The following UTP6 variants were observed in gnomAD, a reference collection of about 807,000 sequenced individuals.
The protein encoded by UTP6 is UTP6 small subunit processome component.
UTP6 carries 60 observed loss-of-function variants against 96.5 expected under a neutral mutation model. The observed-to-expected ratio is 0.62, with a 90% CI of 0.51 to 0.77. The LOEUF (loss-of-function observed/expected upper bound fraction) is 0.77. Among genes scored for constraint, UTP6 ranks in the 30% least tolerant of loss-of-function variants. The pLI, the probability that UTP6 is intolerant of heterozygous loss-of-function variation, is 0.00. For missense variants in UTP6, 637 were observed against 706.5 expected (o/e 0.90, Z 1.12); for synonymous variants, 215 against 240.1 (o/e 0.90, Z 0.96).
Position 31,882,861 on chromosome 17 carries a change from C to T in UTP6, c.785+1563G>A, listed in dbSNP as rs151251735. On this transcript the variant is annotated intron_variant, in intron 10 of 18. Coordinates refer to ENST00000261708, the MANE Select transcript of UTP6 (RefSeq NM_018428.3). ...GGTGCAGTGATGCAATAACAGCTCA[C>T]GGCAGCCTCAACCTCACAGGCTCAA... Among the ~76,000 whole-genome samples the T allele has an allele frequency of 1.5e-3, 231 of 152,156 alleles. 1 individual carries two copies. The highest frequency in any genetic ancestry group is 5.4e-3 in the African/African-American group (224 of 41,524).
intron 18 of UTP6, among the ~76,000 whole-genome samples, chr17:31,864,606 C>G (rs996278825): frequency 2.0e-5 from 3 of 152,124 alleles, no homozygotes; most frequent in African/African-American, 7.2e-5. Flanking sequence ...AAATCTTTCT[C>G]TAATCCAGAG....
In UTP6 at chr17:31,901,612, G is replaced by T; in HGVS notation, c.16C>A (p.Gln6Lys). The change falls in exon 1 of 19, where the codon CAG becomes AAG. Residue 6 changes from glutamine to lysine, a missense_variant. Coordinates refer to ENST00000261708, the MANE Select transcript of UTP6 (RefSeq NM_018428.3). ...GGGAGCCGATCTTCTATGCGTTCCTGAATTATCTCTGCCATGAGGTCCGAG... is the reference window on the plus strand; with the variant it reads ...GGGAGCCGATCTTCTATGCGTTCCTTAATTATCTCTGCCATGAGGTCCGAG... MAEII[Q>K]ERIEDRLPEL... The T allele has an allele frequency of 6.2e-7, 1 of 1,613,832 alleles. No homozygotes were observed. The highest frequency in any genetic ancestry group is 8.5e-7 in the Non-Finnish European group (1 of 1,180,010).
intron 6 of UTP6, among the ~76,000 whole-genome samples, chr17:31,891,454 G>A (rs1911486949): frequency 6.6e-6 from 1 of 152,164 alleles, no homozygotes; most frequent in African/African-American, 2.4e-5. Context: ...GCCAAATGTA[G>A]TCTATTTGAG....
intron 16 of UTP6, among the ~76,000 whole-genome samples, chr17:31,869,734 G>A (rs1375979494): frequency 2.0e-5 from 3 of 152,110 alleles, no homozygotes; most frequent in South Asian, 2.1e-4. Context: ...TGTATATTGC[G>A]TGACACTGAG....
intron 3 of UTP6, 97 bp downstream of exon 3, chr17:31,894,873 T>TG: frequency 7.6e-7 from 1 of 1,324,356 alleles, no homozygotes; most frequent in Non-Finnish European, 1.1e-6. Context: ...ATCACCACAG[T>TG]TTTATCAACA....
At chr17:31,874,296 C>T (rs368352679) in intron 14 of UTP6, 1 of 149,390 alleles carries the variant, frequency 6.7e-6, no homozygotes, top group Non-Finnish European at 1.5e-5. Flanking sequence ...TTTGCAATCC[C>T]AGCACTTTAA....
chr17:31,875,554 G>GCCACCACACC, intron 13 of UTP6, 141 bp from the exon 14 acceptor site: 1 of 986,238 alleles, frequency 1.0e-6, no homozygotes. Flanking sequence ...GCCAGGTGTG[G>GCCACCACACC]TGGCTCACAC....
intron 18 of UTP6, 89 bp from the exon 19 acceptor site, chr17:31,863,605 AAACTT>A (rs1909649651): frequency 8.2e-7 from 1 of 1,213,482 alleles, no homozygotes; most frequent in African/African-American, 1.5e-5. Context: ...GATTTCTAAG[AAACTT>A]AACTTCTCAT....
chr17:31,871,960 G>A (rs1006776285), intron 16 of UTP6, among the ~76,000 whole-genome samples: 2 of 151,838 alleles, frequency 1.3e-5, no homozygotes, highest in Admixed American at 6.6e-5. Context: ...TAGGGAGGCC[G>A]AGGCGGGCAG....
chr17:31,870,988 T>G (rs951705492), intron 16 of UTP6, among the ~76,000 whole-genome samples: 505 of 8,592 alleles, frequency 0.059, 6 homozygotes, highest in African/African-American at 0.1. Context: ...ACTTTTTAAG[T>G]TTTTTTTTTT....
intron 16 of UTP6, among the ~76,000 whole-genome samples, chr17:31,868,968 G>C (rs1489734164): frequency 6.6e-6 from 1 of 152,068 alleles, no homozygotes; most frequent in Non-Finnish European, 1.5e-5. Flanking sequence ...AAAATTGGCT[G>C]GGTGTGGTGG....
intron 6 of UTP6, 164 bp downstream of exon 6, chr17:31,892,095 AG>A: frequency 1.6e-6 from 1 of 644,618 alleles, no homozygotes. Flanking sequence ...TATAGTAGGC[AG>A]GGGTGAACTA....
At chr17:31,872,618 G>A (rs546317470) in intron 16 of UTP6, among the ~76,000 whole-genome samples, 54 of 151,920 alleles carry the variant, frequency 3.6e-4, no homozygotes, top group African/African-American at 1.3e-3. Flanking sequence ...CAAGGCTTCG[G>A]TGAACCATGA....
chr17:31,889,395 T>G lies in UTP6; in HGVS notation c.433A>C (p.Ile145Leu). ...AIHSNKPALW[I>L]MAAKWEMEDR... is the part of the protein sequence containing the mutation. Reference sequence around the variant, plus strand: ...TCCATTTCCCATTTGGCTGCCATAATCCACAAAGCTGTAAGTGAAAAACCA... The same window carrying G: ...TCCATTTCCCATTTGGCTGCCATAAGCCACAAAGCTGTAAGTGAAAAACCA... Residue 145 changes from isoleucine to leucine, a missense_variant, in exon 7 of 19, where the codon ATT becomes CTT. Physicochemically the swap from Ile to Leu is conservative, Grantham distance 5. Transcript: ENST00000261708. The G allele has an allele frequency of 6.2e-7, 1 of 1,612,068 alleles. No individual in the cohort carries two copies. Among genetic ancestry groups the G allele is most frequent in the Non-Finnish European group, 8.5e-7 (1 of 1,178,836 alleles).
At chr17:31,888,432 G>T (rs886621319) in intron 7 of UTP6, among the ~76,000 whole-genome samples, 1 of 152,124 alleles carries the variant, frequency 6.6e-6, no homozygotes, top group African/African-American at 2.4e-5. Flanking sequence ...TCCCTGGCCG[G>T]GCATGGTGGT....
intron 18 of UTP6, among the ~76,000 whole-genome samples, chr17:31,864,071 T>C (rs1407778734): frequency 1.3e-5 from 2 of 152,138 alleles, no homozygotes; most frequent in Non-Finnish European, 2.9e-5. Flanking sequence ...AAGTCTATTT[T>C]ATTCAATGAA....
At chr17:31,892,648 T>G in intron 5 of UTP6, 99 bp downstream of exon 5, 1 of 1,460,864 alleles carries the variant, frequency 6.8e-7, no homozygotes, top group Admixed American at 1.9e-5. Context: ...TTTTTCATGT[T>G]AACCCTACAC....
At chr17:31,879,897 G>A (rs1199804223) in intron 11 of UTP6, among the ~76,000 whole-genome samples, 1 of 151,960 alleles carries the variant, frequency 6.6e-6, no homozygotes, top group Non-Finnish European at 1.5e-5. Flanking sequence ...CCTGAGGTCA[G>A]GAGTTCAAGA....
chr17:31,895,987 G>C (rs912285121), intron 2 of UTP6, among the ~76,000 whole-genome samples: 3 of 150,636 alleles, frequency 2.0e-5, no homozygotes, highest in Admixed American at 2.0e-4. Context: ...CTCCAGCCTG[G>C]GTGACGGAGC....
Sources: allele counts gnomAD v4.1 joint callset (sites outside exome capture counted in the v4.1 genomes callset), GRCh38; gene constraint gnomAD v4.1.1; transcripts MANE v1.5; gene names NCBI Gene and HGNC (gene_info 2026-07-23, HGNC 2026-07-21).